Variants in SH3PXD2A observed in about 807,000 individuals in gnomAD.
The protein encoded by SH3PXD2A is SH3 and PX domains 2A.
A neutral mutation model predicts 115.2 loss-of-function variants in SH3PXD2A; 32 were observed. That is an observed-to-expected ratio of 0.28 (90% CI 0.21 to 0.37). The LOEUF (loss-of-function observed/expected upper bound fraction) is 0.37. Among genes scored for constraint, SH3PXD2A ranks in the 10% least tolerant of loss-of-function variants. SH3PXD2A has a pLI of 1.00. For synonymous variants in SH3PXD2A, 610 were observed against 629.1 expected (o/e 0.97, Z 0.45); for missense variants, 1,328 against 1,498.7 (o/e 0.89, Z 1.88).
At chr10:103,800,474 G>A (rs2039136754) in intron 2 of SH3PXD2A, among the ~76,000 whole-genome samples, 1 of 152,228 alleles carries the variant, frequency 6.6e-6, no homozygotes, top group Admixed American at 6.5e-5. Context: ...TGAGGGCAGT[G>A]CCAGAGGGAA....
chr10:103,658,350 C>T (rs753276626), intron 8 of SH3PXD2A, among the ~76,000 whole-genome samples: 6 of 152,320 alleles, frequency 3.9e-5, no homozygotes, highest in Admixed American at 6.5e-5. Flanking sequence ...TGCCCAACAA[C>T]GCAAATGGAA....
chr10:103,624,429 G>T (rs542647049), intron 9 of SH3PXD2A, among the ~76,000 whole-genome samples: 22 of 152,164 alleles, frequency 1.4e-4, no homozygotes, highest in Non-Finnish European at 1.2e-4. Flanking sequence ...CTTGACAGAG[G>T]TAACACACCT....
intron 6 of SH3PXD2A, among the ~76,000 whole-genome samples, chr10:103,692,238 C>G (rs559776456): frequency 4.6e-5 from 7 of 152,204 alleles, no homozygotes; most frequent in Non-Finnish European, 1.0e-4. Flanking sequence ...CAGGCGTTTG[C>G]CATTTGGGGA....
rs1459299601 is a variant in SH3PXD2A at position 103,784,536 on chromosome 10, CCT to C, written c.153+16744_153+16745del. The stretch of plus-strand genomic sequence containing the variant: ...CACGTGTTAAATCTGGGCAGTCGGT[CCT>C]CTCATGCCTGTGATATCATTTTCTA... On this transcript the variant is annotated intron_variant, in intron 2 of 14. Coordinates refer to ENST00000369774, the MANE Select transcript of SH3PXD2A (RefSeq NM_001394015.1). The surrounding 1 kb of genome is among the most constrained non-coding windows in gnomAD (Gnocchi z 4.4). 2.0e-5 allele frequency among the ~76,000 whole-genome samples: 3 copies of C among 152,212 alleles called. No individual in the cohort carries two copies. The highest frequency in any genetic ancestry group is 7.2e-5 in the African/African-American group (3 of 41,452).
intron 5 of SH3PXD2A, among the ~76,000 whole-genome samples, chr10:103,702,566 G>C (rs1182399169): frequency 8.5e-6 from 1 of 117,678 alleles, no homozygotes; most frequent in Non-Finnish European, 1.8e-5. Flanking sequence ...ACGGTGCAGG[G>C]GCAGGAACAG....
intron 7 of SH3PXD2A, among the ~76,000 whole-genome samples, 180 bp downstream of exon 7, chr10:103,668,428 C>A (rs11819527): frequency 0.015 from 2,278 of 152,332 alleles, 71 homozygotes; most frequent in African/African-American, 0.052. Context: ...AGCAAAGGGC[C>A]CCATGTTCAG....
chr10:103,796,975 G>A (rs1043443949), intron 2 of SH3PXD2A, among the ~76,000 whole-genome samples: 3 of 148,346 alleles, frequency 2.0e-5, no homozygotes, highest in African/African-American at 7.5e-5. Context: ...CAATTATCCC[G>A]CCTCAGCCTC....
chr10:103,781,939 C>A (rs1432421564), intron 2 of SH3PXD2A, among the ~76,000 whole-genome samples: 3 of 152,168 alleles, frequency 2.0e-5, no homozygotes, highest in Non-Finnish European at 2.9e-5. Context: ...GCATGCCTGA[C>A]ACATGACCCT....
At chr10:103,643,908 G>A (rs949128639) in intron 8 of SH3PXD2A, among the ~76,000 whole-genome samples, 1 of 150,956 alleles carries the variant, frequency 6.6e-6, no homozygotes, top group Non-Finnish European at 1.5e-5. Context: ...TCAGGAGATC[G>A]AGACTATCCT....
chr10:103,855,307 T>G lies in SH3PXD2A; in HGVS notation c.-41A>C. On this transcript the variant is annotated 5_prime_UTR_variant, in exon 1 of 15. Transcript: ENST00000369774. ...GAGTGGCGCCCCCGGCGGCGTCACC[T>G]TCTCATCCCGGCCGGGCTCCGGCTC... The G allele has an allele frequency of 6.8e-7, 1 of 1,469,136 alleles. No homozygotes were observed. The highest frequency in any genetic ancestry group is 9.2e-7 in the Non-Finnish European group (1 of 1,092,852). 91.0% of individuals were successfully genotyped at this position (1,469,136 alleles called of 1,614,324 possible).
intron 1 of SH3PXD2A, among the ~76,000 whole-genome samples, chr10:103,819,684 G>C (rs565848462): frequency 6.6e-6 from 1 of 152,214 alleles, no homozygotes; most frequent in Non-Finnish European, 1.5e-5. Flanking sequence ...ACAGGTGTCG[G>C]GGAGATCTAA....
At chr10:103,724,790 CA>C (rs377474647) in intron 4 of SH3PXD2A, among the ~76,000 whole-genome samples, 1,627 of 143,182 alleles carry the variant, frequency 0.011, 22 homozygotes, top group African/African-American at 0.038. Flanking sequence ...CTGACTTAAA[CA>C]AAAAAAAAAA....
chr10:103,821,830 G>C (rs1447675653), intron 1 of SH3PXD2A, among the ~76,000 whole-genome samples: 1 of 152,092 alleles, frequency 6.6e-6, no homozygotes, highest in Non-Finnish European at 1.5e-5. Flanking sequence ...GCCTCCCAAA[G>C]AGCTAGGATT....
intron 1 of SH3PXD2A, among the ~76,000 whole-genome samples, chr10:103,849,962 G>A (rs1842882060): frequency 6.6e-6 from 1 of 152,150 alleles, no homozygotes; most frequent in South Asian, 2.1e-4. Flanking sequence ...AGGTAAAAGA[G>A]AACACAGTTG....
rs985509492 is a variant in SH3PXD2A at position 103,627,517 on chromosome 10, A to G, written c.605-315T>C. ...AAAATTCATCTTGCAGGAAAGGCCA[A>G]GGGAGCTCCGGCCATACAGAGAGAC... On this transcript the variant is annotated intron_variant, in intron 8 of 14. Transcript: ENST00000369774. The surrounding 1 kb of genome is among the most constrained non-coding windows in gnomAD (Gnocchi z 4.4). Among the ~76,000 whole-genome samples the G allele has an allele frequency of 6.6e-6, 1 of 152,218 alleles. No individual in the cohort carries two copies. Among genetic ancestry groups the G allele is most frequent in the Non-Finnish European group, 1.5e-5 (1 of 68,038 alleles).
intron 13 of SH3PXD2A, among the ~76,000 whole-genome samples, chr10:103,607,108 G>A (rs554806232): frequency 4.6e-5 from 7 of 151,480 alleles, no homozygotes; most frequent in Middle Eastern, 3.4e-3. Flanking sequence ...CTGCCCAGCC[G>A]CCCATCGTCT....
At chr10:103,761,130 C>G (rs905993502) in intron 3 of SH3PXD2A, among the ~76,000 whole-genome samples, 4 of 152,172 alleles carry the variant, frequency 2.6e-5, no homozygotes, top group African/African-American at 9.7e-5. Context: ...TAACAGCACT[C>G]TCCACCTCCA....
chr10:103,750,913 A>G (rs1010096448), intron 3 of SH3PXD2A, among the ~76,000 whole-genome samples: 1 of 152,182 alleles, frequency 6.6e-6, no homozygotes, highest in African/African-American at 2.4e-5. Context: ...ACTACCCACA[A>G]TGAGGGCCTA....
chr10:103,836,649 C>T (rs572164143), intron 1 of SH3PXD2A, among the ~76,000 whole-genome samples: 60 of 150,278 alleles, frequency 4.0e-4, no homozygotes, highest in African/African-American at 6.7e-4. Context: ...CCCCAACACA[C>T]GAGTGCACAC....
Sources: allele counts gnomAD v4.1 joint callset (sites outside exome capture counted in the v4.1 genomes callset), GRCh38; gene constraint gnomAD v4.1.1; non-coding constraint Gnocchi (gnomAD v3.1); transcripts MANE v1.5; gene names NCBI Gene and HGNC (gene_info 2026-07-23, HGNC 2026-07-21).